Variants in MPP3 observed in about 807,000 individuals in gnomAD.
MPP3 encodes MAGUK p55 scaffold protein 3, also known as MAGUK p55 subfamily member 3.
Under a neutral mutation model 80.7 loss-of-function variants are expected in MPP3, and 48 were observed. The observed-to-expected ratio is 0.59, with a 90% CI of 0.47 to 0.76. The LOEUF (loss-of-function observed/expected upper bound fraction) is 0.76. Among genes scored for constraint, MPP3 ranks in the 30% least tolerant of loss-of-function variants. The probability of loss-of-function intolerance (pLI) is 0.00; values close to 1 mark genes in which losing one functional copy is unlikely to be tolerated. For missense variants in MPP3, 620 were observed against 763.0 expected (o/e 0.81, Z 2.21); for synonymous variants, 311 against 297.6 (o/e 1.04, Z -0.46).
chr17:43,817,627 T>C (rs1363370465), intron 12 of MPP3, among the ~76,000 whole-genome samples: 2 of 152,208 alleles, frequency 1.3e-5, no homozygotes, highest in Non-Finnish European at 2.9e-5. Context: ...ATTTGCCCAG[T>C]CTGGCAATCT....
chr17:43,810,776 C>A lies in MPP3; in HGVS notation c.1458+31G>T, dbSNP rs761364438. ...ATCCCCTAGTTATAAATTCCGTTAA[C>A]CAGAAATGGCCAGCAGGCCCAGCAA... On this transcript the variant is annotated intron_variant, in intron 18 of 19. Coordinates refer to ENST00000398389, the MANE Select transcript of MPP3 (RefSeq NM_001932.6). 3.4e-6 allele frequency: 5 copies of A among 1,466,072 alleles called. No individual in the cohort carries two copies. The Admixed American group carries it at 1.0e-4, about 29-fold the overall frequency. 90.8% of individuals were successfully genotyped at this position (1,466,072 alleles called of 1,614,324 possible).
chr17:43,802,304 CTA>C (rs1475276346), intron 19 of MPP3, among the ~76,000 whole-genome samples: 15 of 152,120 alleles, frequency 9.9e-5, no homozygotes, highest in African/African-American at 3.6e-4. Flanking sequence ...TAAATAATAA[CTA>C]TATAAAAACA....
At position 43,818,134 on chromosome 17, in the gene MPP3, C is replaced by T. The variant is rs200301990; in HGVS notation, c.882-24G>A. ...GTCTGCAGGGACACAAGGGGATGGG[C>T]GGGCCCGTGAGCTGGGCCAGATAAC... On this transcript the variant is annotated intron_variant, in intron 11 of 19. Coordinates refer to ENST00000398389, the MANE Select transcript of MPP3 (RefSeq NM_001932.6). 275 of 1,489,680 alleles carry T rather than the reference C, an allele frequency of 1.8e-4. 2 individuals carry two copies. In the African/African-American group the frequency reaches 3.2e-3, roughly 18 times the overall value. 92.3% of individuals were successfully genotyped at this position (1,489,680 alleles called of 1,614,324 possible).
intron 11 of MPP3, among the ~76,000 whole-genome samples, chr17:43,819,947 T>C (rs2045339700): frequency 6.6e-6 from 1 of 152,108 alleles, no homozygotes; most frequent in Non-Finnish European, 1.5e-5. Flanking sequence ...TTTTTTGTTT[T>C]GTTTTGTTTT....
intron 10 of MPP3, among the ~76,000 whole-genome samples, chr17:43,822,161 C>T (rs1028138569): frequency 6.6e-6 from 1 of 152,154 alleles, no homozygotes; most frequent in African/African-American, 2.4e-5. Flanking sequence ...AATCACTTTC[C>T]ACCAGGTAAG....
chr17:43,831,686 A>T lies in MPP3; in HGVS notation c.26-9T>A. ...CAGGGTTTCATGCAAACCTGGGGAG[A>T]GGTGAGAAAAACAAAGGATAGCAAA... is the stretch of plus-strand genomic sequence containing the variant. On this transcript the variant is annotated splice_polypyrimidine_tract_variant and intron_variant, in intron 3 of 19. Coordinates refer to ENST00000398389, the MANE Select transcript of MPP3 (RefSeq NM_001932.6). 6.3e-7 allele frequency: 1 copy of T among 1,598,080 alleles called. No homozygotes were observed. The highest frequency in any genetic ancestry group is 8.5e-7 in the Non-Finnish European group (1 of 1,170,266).
At chr17:43,803,578 AGAG>A (rs1420729011) in intron 19 of MPP3, among the ~76,000 whole-genome samples, 2 of 152,176 alleles carry the variant, frequency 1.3e-5, no homozygotes, top group Non-Finnish European at 2.9e-5. Flanking sequence ...GCAAGGAAAC[AGAG>A]GATGTTTTGG....
rs1392133688 is a variant in MPP3, at chr17:43,829,994, A to C, written c.303+33T>G. 10 of 1,601,902 alleles carry C rather than the reference A, an allele frequency of 6.2e-6. No individual in the cohort carries two copies. In the East Asian group the frequency reaches 2.2e-4, roughly 36 times the overall value. On this transcript the variant is annotated intron_variant, in intron 6 of 19. Transcript: ENST00000398389. ...TCCGCCCCCATCCCAGGAGACCCAGAGGCATGGCTGGGCAGGGGCTCTGTG... is the reference window on the plus strand; with the variant it reads ...TCCGCCCCCATCCCAGGAGACCCAGCGGCATGGCTGGGCAGGGGCTCTGTG...
At chr17:43,831,782 G>A in intron 3 of MPP3, 100 bp downstream of exon 3, 21 of 1,438,620 alleles carry the variant, frequency 1.5e-5, no homozygotes, top group Non-Finnish European at 2.0e-5. Context: ...CTGCCGTGAG[G>A]ACATTCTCTC....
intron 12 of MPP3, chr17:43,817,830 A>T: frequency 2.6e-6 from 1 of 389,772 alleles, no homozygotes. Context: ...CATACCCCCC[A>T]GCATCATCTA....
intron 2 of MPP3, chr17:43,832,370 TA>T (rs1410443523): frequency 1.5e-5 from 3 of 204,140 alleles, no homozygotes; most frequent in Admixed American, 6.3e-5. Flanking sequence ...TGCAACCTTC[TA>T]AGAGCCCTGG....
intron 10 of MPP3, among the ~76,000 whole-genome samples, chr17:43,823,533 G>C (rs1186291466): frequency 6.6e-6 from 1 of 152,196 alleles, no homozygotes; most frequent in Admixed American, 6.5e-5. Flanking sequence ...AAGAGTCCCT[G>C]TCTCCAGCAT....
chr17:43,824,059 G>A, intron 9 of MPP3, 54 bp from the exon 10 acceptor site: 1 of 1,289,238 alleles, frequency 7.8e-7, no homozygotes. Context: ...CCCTCCAAGA[G>A]TTCAACTCCT....
chr17:43,803,793 CG>C (rs369123566), intron 19 of MPP3, among the ~76,000 whole-genome samples: 90 of 147,196 alleles, frequency 6.1e-4, no homozygotes, highest in Middle Eastern at 7.2e-3. Context: ...GGAGTAGAAC[CG>C]GGGACTCTGT....
chr17:43,801,643 G>A lies in MPP3; in HGVS notation c.*58C>T, dbSNP rs1379158106. On this transcript the variant is annotated 3_prime_UTR_variant, in exon 20 of 20. Coordinates refer to ENST00000398389, the MANE Select transcript of MPP3 (RefSeq NM_001932.6). ...TGAGATTCCTTGATGGTAAAATGAG[G>A]GAGTCTGGACTAGATGATCTTCAAG... The A allele has an allele frequency of 3.2e-5, 48 of 1,498,456 alleles. No individual in the cohort carries two copies. Among genetic ancestry groups the A allele is most frequent in the Non-Finnish European group, 4.2e-5 (46 of 1,086,124 alleles). The allele number at this position is 1,498,456 out of a possible 1,614,324, so 92.8% of individuals were successfully genotyped here.
rs1598340763 is a variant in MPP3, at chr17:43,816,114, T to G, written c.968-35A>C. 3.3e-6 allele frequency: 5 copies of G among 1,501,676 alleles called. No individual in the cohort carries two copies. The East Asian group carries it at 1.1e-4, about 32-fold the overall frequency. The allele number at this position is 1,501,676 out of a possible 1,614,324, so 93.0% of individuals were successfully genotyped here. A position where few individuals can be genotyped will look rare whatever the true frequency, so the allele number is the denominator to read the frequency against. On this transcript the variant is annotated intron_variant, in intron 13 of 19. Coordinates refer to ENST00000398389, the MANE Select transcript of MPP3 (RefSeq NM_001932.6). Reference sequence around the variant, plus strand: ...AAACAGAGGGAGGGAAGCCAGTGAGTCCCACCAGACACATCCGGCCCAGGG... The same window carrying G: ...AAACAGAGGGAGGGAAGCCAGTGAGGCCCACCAGACACATCCGGCCCAGGG...
chr17:43,827,693 G>A, intron 8 of MPP3, 58 bp downstream of exon 8: 2 of 1,551,226 alleles, frequency 1.3e-6, no homozygotes, highest in Admixed American at 1.7e-5. Flanking sequence ...AAAGGTGGAG[G>A]GCTCTGGAAC....
intron 3 of MPP3, 64 bp from the exon 4 acceptor site, chr17:43,831,741 C>T (rs1399503423): frequency 1.3e-5 from 19 of 1,464,022 alleles, no homozygotes; most frequent in Non-Finnish European, 1.8e-5. Flanking sequence ...CCCCGAGGAG[C>T]CCGAGTGGGG....
Position 43,830,096 on chromosome 17 carries a change from C to A in MPP3, c.234G>T (p.Glu78Asp). ...AVALAEDVME[E>D]LQAASVHSDE... ...CACTGTGCACGGAGGCGGCCTGCAA[C>A]TCCTCCATCACCTGCAGAGAATGAG... is the stretch of plus-strand genomic sequence containing the variant. The change falls in exon 6 of 20, where the codon GAG (glutamate) becomes GAT (aspartate). Residue 78 changes from glutamate (E) to aspartate (D), a missense_variant. Transcript: ENST00000398389. The A allele has an allele frequency of 6.5e-7, 1 of 1,544,962 alleles. No homozygotes were observed. The highest frequency in any genetic ancestry group is 1.3e-5 in the South Asian group (1 of 79,664).
Sources: gnomAD v4.1 joint callset for allele counts (sites outside exome capture counted in the v4.1 genomes callset) on GRCh38, gnomAD v4.1.1 for gene constraint, MANE v1.5 for transcripts, NCBI Gene and HGNC (gene_info 2026-07-23, HGNC 2026-07-21) for gene names.